DEGS1: variants seen among roughly 807,000 people sequenced by gnomAD.
The protein encoded by DEGS1 is sphingolipid delta(4)-desaturase DES1.
DEGS1 carries 17 observed loss-of-function variants against 24.1 expected under a neutral mutation model. That is an observed-to-expected ratio of 0.70 (90% CI 0.48 to 1.06). The LOEUF is 1.06. Ranked by LOEUF, DEGS1 falls within the 50% of genes least tolerant of loss-of-function variation. DEGS1 has a pLI of 0.00. For missense variants in DEGS1, 366 were observed against 408.9 expected (o/e 0.90, Z 0.91); for synonymous variants, 134 against 140.0 (o/e 0.96, Z 0.30).
intron 1 of DEGS1, among the ~76,000 whole-genome samples, chr1:224,184,030 A>C: frequency 6.6e-6 from 1 of 152,154 alleles, no homozygotes; most frequent in East Asian, 1.9e-4. Context: ...CTCGGACTTG[A>C]TGGGCCCTGG....
At position 224,183,280 on chromosome 1, in the gene DEGS1, T is replaced by A; in HGVS notation, c.-57T>A. 7.0e-7 allele frequency: 1 copy of A among 1,438,674 alleles called. No homozygotes were observed. Among genetic ancestry groups the A allele is most frequent in the Non-Finnish European group, 9.2e-7 (1 of 1,085,236 alleles). 89.1% of individuals were successfully genotyped at this position (1,438,674 alleles called of 1,614,324 possible). A position where few individuals can be genotyped will look rare whatever the true frequency, so the allele number is the denominator to read the frequency against. The stretch of plus-strand genomic sequence containing the variant: ...GAGCCGCCGCCGCCGCCGCCACCTC[T>A]GAGCAGCCGGCTGGGAGCGAGAGCC... On this transcript the variant is annotated 5_prime_UTR_variant, in exon 1 of 3. Coordinates refer to ENST00000323699, the MANE Select transcript of DEGS1 (RefSeq NM_003676.4).
intron 1 of DEGS1, among the ~76,000 whole-genome samples, chr1:224,184,592 A>T (rs1658329095): frequency 6.6e-6 from 1 of 151,806 alleles, no homozygotes; most frequent in African/African-American, 2.4e-5. Context: ...ACTCGCTGCA[A>T]CCTCTGCCTC....
chr1:224,186,466 C>T (rs902148452), intron 1 of DEGS1, among the ~76,000 whole-genome samples: 5 of 152,166 alleles, frequency 3.3e-5, no homozygotes, highest in Non-Finnish European at 5.9e-5. Flanking sequence ...GTAATCCCAG[C>T]ACTTTAGGAG....
At chr1:224,184,994 C>T (rs959503467) in intron 1 of DEGS1, among the ~76,000 whole-genome samples, 11 of 107,538 alleles carry the variant, frequency 1.0e-4, no homozygotes, top group Non-Finnish European at 1.6e-4. Context: ...CACACACACA[C>T]ACACACACAC....
Position 224,192,363 on chromosome 1 carries a change from A to G in DEGS1, c.857A>G (p.Asn286Ser), listed in dbSNP as rs886270671. ...AAAATAGCAGCTGAATACTATGACA[A>G]CCTCCCTCACTACAATTCCTGGATA... ...VRKIAAEYYD[N>S]LPHYNSWIKV... Residue 286 changes from asparagine (N) to serine (S), a missense_variant, in exon 3 of 3, where the codon AAC (asparagine) becomes AGC (serine). Transcript: ENST00000323699. The G allele has an allele frequency of 6.2e-6, 10 of 1,613,098 alleles. No individual in the cohort carries two copies. The highest frequency in any genetic ancestry group is 2.2e-5 in the East Asian group (1 of 44,824).
At chr1:224,183,566 C>T (rs563669367) in intron 1 of DEGS1, 148 bp downstream of exon 1, 2 of 541,286 alleles carry the variant, frequency 3.7e-6, no homozygotes, top group East Asian at 4.1e-5. Context: ...CTCGGGCCGC[C>T]AGCCCGCGGG....
chr1:224,192,781 C>T lies in DEGS1; in HGVS notation c.*303C>T, dbSNP rs1658578131. ...TTCTAAAAAGCTATTTCGCCAGGCA[C>T]GGTGGCTCATGCCTATAATCCCAGC... On this transcript the variant is annotated 3_prime_UTR_variant, in exon 3 of 3. Transcript: ENST00000323699. 1.5e-5 allele frequency: 4 copies of T among 272,442 alleles called. No homozygotes were observed. The highest frequency in any genetic ancestry group is 4.7e-5 in the African/African-American group (2 of 42,748). 16.9% of individuals were successfully genotyped at this position (272,442 alleles called of 1,614,324 possible). A position where few individuals can be genotyped will look rare whatever the true frequency, so the allele number is the denominator to read the frequency against.
rs1572043438 is a variant in DEGS1 at position 224,190,007 on chromosome 1, C to G, written c.513C>G (p.Ala171=). 6.2e-7 allele frequency: 1 copy of G among 1,614,062 alleles called. No individual in the cohort carries two copies. Among genetic ancestry groups the G allele is most frequent in the African/African-American group, 1.3e-5 (1 of 74,918 alleles). ...TTATTCTTCAGCCTCTCTTTTATGC[C>G]TTTCGACCTCTGTTCATCAACCCCA... The part of the protein sequence containing the change: ...IWVILQPLFY[A]FRPLFINPKP... Residue 171 remains alanine, a synonymous_variant, in exon 2 of 3, where the codon GCC becomes GCG. Transcript: ENST00000323699.
intron 2 of DEGS1, 53 bp downstream of exon 2, chr1:224,190,372 T>C: frequency 2.1e-6 from 3 of 1,435,644 alleles, no homozygotes; most frequent in Non-Finnish European, 2.7e-6. Flanking sequence ...TTTGTTTGTT[T>C]TTTGAGACGG....
intron 1 of DEGS1, among the ~76,000 whole-genome samples, chr1:224,187,607 A>G (rs2102654433): frequency 6.6e-6 from 1 of 152,182 alleles, no homozygotes; most frequent in South Asian, 2.1e-4. Flanking sequence ...TTTGTGCCTC[A>G]GCCTCCCAAA....
In DEGS1 at chr1:224,183,272, G is replaced by A; in HGVS notation, c.-65G>A. 11 of 1,384,106 alleles carry A rather than the reference G, an allele frequency of 7.9e-6. No homozygotes were observed. The highest frequency in any genetic ancestry group is 2.9e-5 in the South Asian group (2 of 69,738). 85.7% of individuals were successfully genotyped at this position (1,384,106 alleles called of 1,614,324 possible). A position where few individuals can be genotyped will look rare whatever the true frequency, so the allele number is the denominator to read the frequency against. ...CAGCCGGGGAGCCGCCGCCGCCGCCGCCACCTCTGAGCAGCCGGCTGGGAG... is the reference window on the plus strand; with the variant it reads ...CAGCCGGGGAGCCGCCGCCGCCGCCACCACCTCTGAGCAGCCGGCTGGGAG... On this transcript the variant is annotated 5_prime_UTR_variant, in exon 1 of 3. Coordinates refer to ENST00000323699, the MANE Select transcript of DEGS1 (RefSeq NM_003676.4).
intron 1 of DEGS1, among the ~76,000 whole-genome samples, chr1:224,184,622 CTG>C (rs780003038): frequency 1.3e-5 from 2 of 152,148 alleles, no homozygotes; most frequent in African/African-American, 2.4e-5. Flanking sequence ...AGCGATTCTT[CTG>C]TCTCAGCCTC....
chr1:224,185,676 A>G (rs1658365946), intron 1 of DEGS1, among the ~76,000 whole-genome samples: 3 of 151,722 alleles, frequency 2.0e-5, no homozygotes, highest in Non-Finnish European at 2.9e-5. Flanking sequence ...AAGTTTTTCT[A>G]TTTTTATTTT....
intron 1 of DEGS1, among the ~76,000 whole-genome samples, chr1:224,186,133 T>C (rs1658381244): frequency 6.6e-6 from 1 of 150,940 alleles, no homozygotes; most frequent in African/African-American, 2.4e-5. Context: ...CAAAACCCCA[T>C]CTCTACCAAA....
At chr1:224,185,437 C>T (rs1658355783) in intron 1 of DEGS1, among the ~76,000 whole-genome samples, 1 of 152,106 alleles carries the variant, frequency 6.6e-6, no homozygotes, top group East Asian at 1.9e-4. Context: ...TCCAGTGGTC[C>T]GCATACCTCA....
chr1:224,189,493 AGTTT>A (rs1456111194), intron 1 of DEGS1, 80 bp from the exon 2 acceptor site: 6 of 1,016,088 alleles, frequency 5.9e-6, no homozygotes, highest in Non-Finnish European at 7.1e-6. Context: ...TTAATGTGTT[AGTTT>A]AATTGGTGTT....
chr1:224,191,590 CTTTTTTTTTTTTTT>C (rs748181749), intron 2 of DEGS1, among the ~76,000 whole-genome samples: 4 of 53,328 alleles, frequency 7.5e-5, no homozygotes, highest in Non-Finnish European at 9.3e-5. Context: ...TTGATAAGTG[CTTTTTTTTTTTTTT>C]TTTTTTTTTT....
chr1:224,192,646 G>T lies in DEGS1; in HGVS notation c.*168G>T. 1.6e-6 allele frequency: 1 copy of T among 611,278 alleles called. No individual in the cohort carries two copies. Among genetic ancestry groups the T allele is most frequent in the Non-Finnish European group, 2.8e-6 (1 of 358,506 alleles). The allele number at this position is 611,278 out of a possible 1,614,324, so 37.9% of individuals were successfully genotyped here. A position where few individuals can be genotyped will look rare whatever the true frequency, so the allele number is the denominator to read the frequency against. Reference sequence around the variant, plus strand: ...AATCTGGCTTTTAAACAGTCAGCCTGACTCTGTACTGCTCAGTTTCACTCA... The same window carrying T: ...AATCTGGCTTTTAAACAGTCAGCCTTACTCTGTACTGCTCAGTTTCACTCA... On this transcript the variant is annotated 3_prime_UTR_variant, in exon 3 of 3. Coordinates refer to ENST00000323699, the MANE Select transcript of DEGS1 (RefSeq NM_003676.4).
intron 1 of DEGS1, among the ~76,000 whole-genome samples, chr1:224,186,712 C>CAAA (rs34809195): frequency 1.7e-3 from 135 of 79,554 alleles, no homozygotes; most frequent in East Asian, 4.4e-3. Flanking sequence ...GCCTCCGTCT[C>CAAA]AAAAAAAAAA....
Sources: gnomAD v4.1 joint callset for allele counts (sites outside exome capture counted in the v4.1 genomes callset) on GRCh38, gnomAD v4.1.1 for gene constraint, MANE v1.5 for transcripts, NCBI Gene and HGNC (gene_info 2026-07-23, HGNC 2026-07-21) for gene names.